Variants in CD44 observed in about 807,000 individuals in gnomAD.
CD44 encodes the protein CD44 molecule (IN blood group).
Under a neutral mutation model 88.8 loss-of-function variants are expected in CD44, and 49 were observed. The ratio of observed to expected loss-of-function variants is 0.55; its 90% CI spans 0.44 to 0.70. CD44 has a LOEUF of 0.70. Ranked by LOEUF, CD44 falls within the 30% of genes least tolerant of loss-of-function variation. The probability of loss-of-function intolerance (pLI) is 0.00; values close to 1 mark genes in which losing one functional copy is unlikely to be tolerated. For missense variants in CD44, 883 were observed against 913.8 expected (o/e 0.97, Z 0.43); for synonymous variants, 325 against 312.3 (o/e 1.04, Z -0.43).
Position 35,139,669 on chromosome 11 carries a change from G to A in CD44, c.67+299G>A, listed in dbSNP as rs866885984. 6.1e-6 allele frequency: 4 copies of A among 659,570 alleles called. No homozygotes were observed. In the Middle Eastern group the frequency reaches 1.0e-3, roughly 168 times the overall value. The allele number at this position is 659,570 out of a possible 1,614,324, so 40.9% of individuals were successfully genotyped here. On this transcript the variant is annotated intron_variant, in intron 1 of 17. Coordinates refer to ENST00000428726, the MANE Select transcript of CD44 (RefSeq NM_000610.4). Reference sequence around the variant, plus strand: ...CTGCAGCACATGGCAGAAAGTAACCGTTCTCCCGGATGCGCACAGTCGTTG... The same window carrying A: ...CTGCAGCACATGGCAGAAAGTAACCATTCTCCCGGATGCGCACAGTCGTTG...
chr11:35,215,008 G>A (rs527836182), intron 15 of CD44, 94 bp downstream of exon 15: 1 of 698,424 alleles, frequency 1.4e-6, no homozygotes, highest in Non-Finnish European at 2.2e-6. Flanking sequence ...CCAGAGAAGT[G>A]GTTCTCAAAC....
intron 17 of CD44, chr11:35,223,160 G>GA (rs1451264239): frequency 5.1e-6 from 5 of 985,234 alleles, no homozygotes; most frequent in African/African-American, 1.7e-5. Flanking sequence ...AAAACTGAGA[G>GA]AAAAAATCTA....
intron 14 of CD44, among the ~76,000 whole-genome samples, chr11:35,214,399 T>G (rs1948659503): frequency 6.6e-6 from 1 of 152,220 alleles, no homozygotes; most frequent in Non-Finnish European, 1.5e-5. Context: ...GAAATCTCTG[T>G]TTCATGCCCT....
intron 1 of CD44, among the ~76,000 whole-genome samples, chr11:35,165,015 A>C (rs765717014): frequency 3.9e-5 from 6 of 152,104 alleles, no homozygotes; most frequent in Non-Finnish European, 5.9e-5. Context: ...TATTTTCCAG[A>C]CTTTTCCACC....
At chr11:35,172,847 T>G (rs1381127237) in intron 1 of CD44, among the ~76,000 whole-genome samples, 1 of 146,668 alleles carries the variant, frequency 6.8e-6, no homozygotes, top group African/African-American at 2.5e-5. Context: ...TTTATTTTGG[T>G]GCAAAAAAAA....
At chr11:35,145,564 C>T (rs1858967684) in intron 1 of CD44, among the ~76,000 whole-genome samples, 1 of 151,948 alleles carries the variant, frequency 6.6e-6, no homozygotes, top group Non-Finnish European at 1.5e-5. Flanking sequence ...GATAGTTGGG[C>T]TGAGAAGGGA....
intron 17 of CD44, among the ~76,000 whole-genome samples, chr11:35,225,128 C>CACTTGAACTATGGCTAGTTCAAGCACT (rs1565165810): frequency 2.4e-5 from 3 of 122,886 alleles, no homozygotes; most frequent in Non-Finnish European, 3.8e-5. Context: ...GCTAGTTCAA[C>CACTTGAACTATGGCTAGTTCAAGCACT]TGAGGAAGTG....
At chr11:35,215,983 G>T (rs929048963) in intron 15 of CD44, among the ~76,000 whole-genome samples, 6 of 150,820 alleles carry the variant, frequency 4.0e-5, no homozygotes, top group Admixed American at 2.7e-4. Context: ...ACATAGGTAA[G>T]TACTATTATT....
In CD44 at chr11:35,192,332, G is replaced by A. The variant is rs560152648; in HGVS notation, c.667+2267G>A. Among the ~76,000 whole-genome samples the A allele has an allele frequency of 7.2e-5, 11 of 152,320 alleles. No individual in the cohort carries two copies. In the South Asian group the frequency reaches 2.1e-3, roughly 29 times the overall value. ...CAAACAACCTGGTGGAAACTTGAAC[G>A]TAGCATAATGGCATGCCAGGAAAAG... On this transcript the variant is annotated intron_variant, in intron 5 of 17. Coordinates refer to ENST00000428726, the MANE Select transcript of CD44 (RefSeq NM_000610.4).
At chr11:35,188,895 A>G (rs74596396) in intron 4 of CD44, among the ~76,000 whole-genome samples, 2 of 152,018 alleles carry the variant, frequency 1.3e-5, no homozygotes, top group East Asian at 3.9e-4. Context: ...CTGAGATTGC[A>G]CCACTGCACC....
At chr11:35,197,121 G>A (rs188644856) in intron 6 of CD44, 20 of 317,328 alleles carry the variant, frequency 6.3e-5, no homozygotes, top group East Asian at 6.0e-4. Context: ...ACTATGAAAC[G>A]GGAATAAGTT....
In CD44 at chr11:35,176,663, C is replaced by G. The variant is rs774579206; in HGVS notation, c.156C>G (p.Leu52=). The change falls in exon 2 of 18, where the codon CTC becomes CTG. Residue 52 remains leucine, a synonymous_variant. Coordinates refer to ENST00000428726, the MANE Select transcript of CD44 (RefSeq NM_000610.4). ...TCTCTCGGACGGAGGCCGCTGACCT[C>G]TGCAAGGCTTTCAATAGCACCTTGC... is the stretch of plus-strand genomic sequence containing the variant. ...YSISRTEAAD[L]CKAFNSTLPT... is the part of the protein sequence containing the mutation. 1 of 1,614,214 alleles carries G rather than the reference C, an allele frequency of 6.2e-7. No homozygotes were observed. The highest frequency in any genetic ancestry group is 2.2e-5 in the East Asian group (1 of 44,884).
intron 2 of CD44, among the ~76,000 whole-genome samples, chr11:35,178,876 C>T (rs1428437835): frequency 6.6e-6 from 1 of 152,202 alleles, no homozygotes; most frequent in African/African-American, 2.4e-5. Flanking sequence ...AAACTCATTT[C>T]CATAATTTCT....
In CD44 at chr11:35,229,250, G is replaced by A. The variant is rs1463901282; in HGVS notation, c.2146G>A (p.Glu716Lys). ...SQEMVHLVNK[E>K]SSETPDQFMT... ...GGAAATGGTGCATTTGGTGAACAAG[G>A]AGTCGTCAGAAACTCCAGACCAGTT... is the stretch of plus-strand genomic sequence containing the variant. The change falls in exon 18 of 18, where the codon GAG becomes AAG. Residue 716 changes from glutamate to lysine, a missense_variant. By Grantham distance (56) the Glu-to-Lys change is moderately conservative. Around this residue, in one of 2 missense-constraint regions of CD44, gnomAD observed 631 missense variants for 590.9 expected, o/e 1.07. Transcript: ENST00000428726. The A allele has an allele frequency of 3.7e-6, 6 of 1,614,060 alleles. No individual in the cohort carries two copies. In the South Asian group the frequency reaches 6.6e-5, roughly 18 times the overall value.
At chr11:35,216,899 T>C (rs1948873395) in intron 15 of CD44, among the ~76,000 whole-genome samples, 1 of 152,234 alleles carries the variant, frequency 6.6e-6, no homozygotes, top group South Asian at 2.1e-4. Flanking sequence ...AGGTGGTTTA[T>C]ATGCACATTA....
chr11:35,219,533 A>G, intron 16 of CD44, 146 bp downstream of exon 16: 1 of 661,152 alleles, frequency 1.5e-6, no homozygotes, highest in Non-Finnish European at 2.7e-6. Context: ...AAGTTAAAGG[A>G]TGAATGAGAA....
intron 1 of CD44, among the ~76,000 whole-genome samples, chr11:35,166,935 G>C (rs1381163178): frequency 6.6e-6 from 1 of 152,236 alleles, no homozygotes; most frequent in African/African-American, 2.4e-5. Context: ...AGAAGTGGAT[G>C]CTAAACAATA....
chr11:35,175,513 C>A (rs577431658), intron 1 of CD44, among the ~76,000 whole-genome samples: 2 of 152,050 alleles, frequency 1.3e-5, no homozygotes, highest in South Asian at 4.1e-4. Context: ...GCATAAAGTA[C>A]GTGTGTGCAT....
intron 1 of CD44, among the ~76,000 whole-genome samples, chr11:35,160,166 C>A (rs1269303604): frequency 6.6e-6 from 1 of 152,194 alleles, no homozygotes; most frequent in East Asian, 1.9e-4. Flanking sequence ...TGTCTCAGAA[C>A]TGAAGAATGG....
Sources: gnomAD v4.1 joint callset for allele counts (sites outside exome capture counted in the v4.1 genomes callset) on GRCh38, gnomAD v4.1.1 for gene constraint, gnomAD v4.1.1 regional missense constraint, MANE v1.5 for transcripts, NCBI Gene and HGNC (gene_info 2026-07-23, HGNC 2026-07-21) for gene names.